Variants in TASP1 observed in about 807,000 individuals in gnomAD.
TASP1 encodes taspase 1.
In TASP1, 16 loss-of-function variants were observed where a neutral mutation model predicts 56.6. The ratio of observed to expected loss-of-function variants is 0.28; its 90% CI spans 0.19 to 0.43. The LOEUF (loss-of-function observed/expected upper bound fraction) is 0.43, where lower values mean the gene tolerates loss of function less well. Ranked by LOEUF, TASP1 falls within the 20% of genes least tolerant of loss-of-function variation. The probability of loss-of-function intolerance (pLI) is 1.00; values close to 1 mark genes in which losing one functional copy is unlikely to be tolerated. For synonymous variants in TASP1, 179 were observed against 184.2 expected (o/e 0.97, Z 0.23); for missense variants, 393 against 511.6 (o/e 0.77, Z 2.24).
At position 13,404,771 on chromosome 20, in the gene TASP1, A is replaced by G. The variant is rs115292597; in HGVS notation, c.1170+12677T>C. ...AATAAAAGAAAAATATCTCAAATAA[A>G]TTGCAATTTCTAGTCAAACACCTAT... On this transcript the variant is annotated intron_variant, in intron 13 of 13. Transcript: ENST00000337743. 1.9e-3 allele frequency among the ~76,000 whole-genome samples: 286 copies of G among 152,344 alleles called. 1 individual carries two copies. The highest frequency in any genetic ancestry group is 6.3e-3 in the African/African-American group (263 of 41,574).
the TASP1 span, among the ~76,000 whole-genome samples, chr20:13,289,143 A>G: frequency 6.6e-6 from 1 of 152,152 alleles, no homozygotes; most frequent in African/African-American, 2.4e-5. Flanking sequence ...AGCTGAATGG[A>G]TTTTCTGAGT....
intron 4 of TASP1, among the ~76,000 whole-genome samples, chr20:13,619,588 T>G (rs1444351711): frequency 6.6e-6 from 1 of 152,148 alleles, no homozygotes; most frequent in Non-Finnish European, 1.5e-5. Context: ...GAAATTCACA[T>G]CACAAGTTAC....
rs556343676 is a variant in TASP1, at chr20:13,589,405, C to T, written c.283-2035G>A. On this transcript the variant is annotated intron_variant, in intron 4 of 13. Transcript: ENST00000337743. ...AATGGTACTGGGACAATTAGATAGCCACATGTAAGAAAATGAAGTTGGACC... is the reference window on the plus strand; with the variant it reads ...AATGGTACTGGGACAATTAGATAGCTACATGTAAGAAAATGAAGTTGGACC... 2.0e-5 allele frequency among the ~76,000 whole-genome samples: 3 copies of T among 152,072 alleles called. No individual in the cohort carries two copies. In the South Asian group the frequency reaches 6.2e-4, roughly 32 times the overall value.
chr20:13,180,102 C>A, the TASP1 span, among the ~76,000 whole-genome samples: 3 of 152,120 alleles, frequency 2.0e-5, no homozygotes, highest in Admixed American at 6.5e-5. Context: ...TTCATGAGGA[C>A]CTGGACACTC....
the TASP1 span, among the ~76,000 whole-genome samples, chr20:13,252,283 G>A: frequency 6.6e-6 from 1 of 152,184 alleles, no homozygotes; most frequent in Non-Finnish European, 1.5e-5. Context: ...TTTGATGATG[G>A]CTGCTGTGTA....
At chr20:13,297,710 C>T in the TASP1 span, among the ~76,000 whole-genome samples, 3 of 152,158 alleles carry the variant, frequency 2.0e-5, no homozygotes, top group South Asian at 2.1e-4. Context: ...CAGCATAATT[C>T]GATCTTTTGG....
the TASP1 span, chr20:13,270,597 C>A: frequency 6.2e-7 from 1 of 1,613,986 alleles, no homozygotes; most frequent in East Asian, 2.2e-5. Flanking sequence ...CCAGGCTGCA[C>A]ACCAACCCTT....
chr20:13,125,072 CT>C, the TASP1 span, among the ~76,000 whole-genome samples: 8,627 of 152,244 alleles, frequency 0.057, 779 homozygotes, highest in African/African-American at 0.19. Flanking sequence ...CTGCAGGACA[CT>C]TGGAGAGTCC....
chr20:13,106,823 A>C, the TASP1 span, among the ~76,000 whole-genome samples: 1 of 152,220 alleles, frequency 6.6e-6, no homozygotes, highest in Middle Eastern at 3.2e-3. Flanking sequence ...GTAGAAATGC[A>C]TAAGACCTCT....
At chr20:13,368,485 C>T in the TASP1 span, 10 of 152,160 alleles carry the variant, frequency 6.6e-5, no homozygotes, top group Non-Finnish European at 1.5e-4. Context: ...TTATAGAGAG[C>T]TTTGGGGCAA....
At chr20:13,158,867 C>T in the TASP1 span, among the ~76,000 whole-genome samples, 7 of 152,324 alleles carry the variant, frequency 4.6e-5, no homozygotes, top group African/African-American at 1.4e-4. Flanking sequence ...TTATTCTCCA[C>T]GTCTGGTTCA....
At chr20:13,512,332 T>A (rs1232728692) in intron 10 of TASP1, among the ~76,000 whole-genome samples, 1 of 152,042 alleles carries the variant, frequency 6.6e-6, no homozygotes, top group East Asian at 1.9e-4. Flanking sequence ...ATTGTGGTTT[T>A]GATTTGCATT....
the TASP1 span, among the ~76,000 whole-genome samples, chr20:13,110,398 ACT>A: frequency 1.3e-5 from 2 of 151,874 alleles, no homozygotes. Context: ...CTTTTTGATG[ACT>A]CTATATATGG....
At position 13,569,614 on chromosome 20, in the gene TASP1, TTCACAGTG is replaced by T. The variant is rs763889611; in HGVS notation, c.489-36_489-29del. 5.7e-5 allele frequency: 91 copies of T among 1,583,390 alleles called. No homozygotes were observed. In the African/African-American group the frequency reaches 1.2e-3, roughly 20 times the overall value. On this transcript the variant is annotated intron_variant, in intron 6 of 13. Transcript: ENST00000337743. ...AACAACAGAAAAATTATTTTTAAAATTCACAGTGTCATCTTCTCCTACATATTCAATAA... is the reference window on the plus strand; with the variant it reads ...AACAACAGAAAAATTATTTTTAAAATTCATCTTCTCCTACATATTCAATAA...
chr20:13,410,914 C>G (rs2042074072), intron 13 of TASP1, among the ~76,000 whole-genome samples: 1 of 152,020 alleles, frequency 6.6e-6, no homozygotes, highest in Admixed American at 6.6e-5. Flanking sequence ...AAACCAATGT[C>G]CTGAAGTATT....
chr20:13,142,528 C>T, the TASP1 span, among the ~76,000 whole-genome samples: 2 of 152,182 alleles, frequency 1.3e-5, no homozygotes, highest in East Asian at 1.9e-4. Flanking sequence ...CCTGAGGAAT[C>T]CCAGTGTGTG....
the TASP1 span, among the ~76,000 whole-genome samples, chr20:13,150,770 C>T: frequency 6.6e-6 from 1 of 152,176 alleles, no homozygotes; most frequent in African/African-American, 2.4e-5. Context: ...CCACATCTTG[C>T]CTTGTTCACA....
At chr20:13,638,714 T>G (rs2049404637) in intron 1 of TASP1, among the ~76,000 whole-genome samples, 180 bp downstream of exon 1, 1 of 152,026 alleles carries the variant, frequency 6.6e-6, no homozygotes, top group Non-Finnish European at 1.5e-5. Flanking sequence ...CGACCAAGAC[T>G]AGGGAACTAG....
the TASP1 span, among the ~76,000 whole-genome samples, chr20:13,323,094 G>A: frequency 6.6e-6 from 1 of 152,072 alleles, no homozygotes; most frequent in Admixed American, 6.5e-5. Context: ...GCGTCTCGGA[G>A]GAAAAATAGG....
Sources: allele counts gnomAD v4.1 joint callset (sites outside exome capture counted in the v4.1 genomes callset), GRCh38; gene constraint gnomAD v4.1.1; transcripts MANE v1.5; gene names NCBI Gene and HGNC (gene_info 2026-07-23, HGNC 2026-07-21).